GRIN2B: variants seen among roughly 807,000 people sequenced by gnomAD.
GRIN2B encodes glutamate ionotropic receptor NMDA type subunit 2B.
A neutral mutation model predicts 114.5 loss-of-function variants in GRIN2B; 5 were observed. The observed-to-expected ratio is 0.04, with a 90% CI of 0.02 to 0.09. The LOEUF (loss-of-function observed/expected upper bound fraction) is 0.09. Among genes scored for constraint, GRIN2B ranks in the 10% least tolerant of loss-of-function variants. GRIN2B has a pLI of 1.00. For missense variants in GRIN2B, 1,108 were observed against 1,943.5 expected, an observed-to-expected ratio of 0.57 and a Z score of 8.08; for synonymous variants, 787 against 745.1, an observed-to-expected ratio of 1.06 and a Z score of -0.92.
intron 2 of GRIN2B, among the ~76,000 whole-genome samples, chr12:13,913,806 T>C (rs1488395866): frequency 6.6e-6 from 1 of 152,190 alleles, no homozygotes; most frequent in Non-Finnish European, 1.5e-5. Context: ...GGGACCACTT[T>C]CTTGCTGTGT....
chr12:13,553,966 TAATG>T lies in GRIN2B; in HGVS notation c.*8813_*8816del, dbSNP rs869189965. 3 of 152,224 alleles carry T rather than the reference TAATG, an allele frequency of 2.0e-5. No individual in the cohort carries two copies. Among genetic ancestry groups the T allele is most frequent in the African/African-American group, 7.2e-5 (3 of 41,554 alleles). 9.4% of individuals were successfully genotyped at this position (152,224 alleles called of 1,614,324 possible). On this transcript the variant is annotated 3_prime_UTR_variant, in exon 14 of 14. Transcript: ENST00000609686. ...AGAAAAATCCAGATTCCATTTGAAA[TAATG>T]AACTGTATACATGTAGTATATACAT...
intron 3 of GRIN2B, among the ~76,000 whole-genome samples, chr12:13,830,305 C>G (rs1349385457): frequency 6.6e-6 from 1 of 152,184 alleles, no homozygotes; most frequent in Non-Finnish European, 1.5e-5. Flanking sequence ...AGAAAACTAT[C>G]AGTACTGCAA....
chr12:13,849,065 C>A (rs1212164096), intron 3 of GRIN2B, among the ~76,000 whole-genome samples: 1 of 152,112 alleles, frequency 6.6e-6, no homozygotes, highest in African/African-American at 2.4e-5. Flanking sequence ...AAATTAGTCA[C>A]CAATTTGTTC....
In GRIN2B at chr12:13,605,701, T is replaced by C. The variant is rs147897546; in HGVS notation, c.2010+2902A>G. On this transcript the variant is annotated intron_variant, in intron 10 of 13. Coordinates refer to ENST00000609686, the MANE Select transcript of GRIN2B (RefSeq NM_000834.5). ...GCTTTAAGAAGCCTAGAAATGGTAC[T>C]TATTTCAAAATCATGGAAAAGAAAA... Among the ~76,000 whole-genome samples the C allele has an allele frequency of 4.4e-3, 668 of 152,156 alleles. 3 individuals carry two copies. The highest frequency in any genetic ancestry group is 0.015 in the African/African-American group (609 of 41,494).
intron 3 of GRIN2B, among the ~76,000 whole-genome samples, chr12:13,855,179 C>A (rs1256478458): frequency 6.6e-6 from 1 of 151,936 alleles, no homozygotes; most frequent in Admixed American, 6.6e-5. Flanking sequence ...GATCATGCCA[C>A]TGCACTCCAG....
At position 13,615,081 on chromosome 12, in the gene GRIN2B, C is replaced by G; in HGVS notation, c.1654+33G>C. The G allele has an allele frequency of 6.3e-7, 1 of 1,584,780 alleles. No individual in the cohort carries two copies. Among genetic ancestry groups the G allele is most frequent in the Non-Finnish European group, 8.7e-7 (1 of 1,153,306 alleles). On this transcript the variant is annotated intron_variant, in intron 8 of 13. Coordinates refer to ENST00000609686, the MANE Select transcript of GRIN2B (RefSeq NM_000834.5). This position sits in a 1 kb window ranked among gnomAD's most constrained non-coding sequence, Gnocchi z 5.8. ...TTATTTCACTTCCCCATCCATACGT[C>G]CATTTCCTTCCACCAGCAAACCCAT...
chr12:13,705,739 A>T (rs932322883), intron 4 of GRIN2B, among the ~76,000 whole-genome samples: 12 of 152,308 alleles, frequency 7.9e-5, no homozygotes, highest in Admixed American at 4.6e-4. Flanking sequence ...TTATTTTTAA[A>T]TAATGTAGAG....
At chr12:13,607,214 T>A (rs1474369690) in intron 10 of GRIN2B, among the ~76,000 whole-genome samples, 4 of 94,630 alleles carry the variant, frequency 4.2e-5, no homozygotes, top group Admixed American at 1.6e-4. Context: ...ATATATAAAA[T>A]ATATATAAAA....
chr12:13,915,222 T>G (rs1413366124), intron 2 of GRIN2B, among the ~76,000 whole-genome samples: 2 of 152,148 alleles, frequency 1.3e-5, no homozygotes, highest in Non-Finnish European at 2.9e-5. Flanking sequence ...TTATCTTATC[T>G]TAGAGGTTGA....
chr12:13,893,826 T>A (rs199844095), intron 2 of GRIN2B, among the ~76,000 whole-genome samples: 3 of 151,596 alleles, frequency 2.0e-5, no homozygotes, highest in Middle Eastern at 3.4e-3. Flanking sequence ...TGACTTTTTT[T>A]AAAAAAAAGA....
In GRIN2B at chr12:13,558,368, A is replaced by G. The variant is rs186825074; in HGVS notation, c.*4415T>C. The stretch of plus-strand genomic sequence containing the variant: ...ACAGGGCCTTTTTAGAGAGATGATG[A>G]TTGAAAGAATAAAGTGAGTTCTGGA... On this transcript the variant is annotated 3_prime_UTR_variant, in exon 14 of 14. Transcript: ENST00000609686. The G allele has an allele frequency of 6.6e-5, 10 of 152,104 alleles. No homozygotes were observed. The highest frequency in any genetic ancestry group is 1.0e-4 in the Non-Finnish European group (7 of 67,996). The allele number at this position is 152,104 out of a possible 1,614,324, so 9.4% of individuals were successfully genotyped here.
chr12:13,597,995 C>T (rs2136450881), intron 10 of GRIN2B, among the ~76,000 whole-genome samples: 1 of 152,322 alleles, frequency 6.6e-6, no homozygotes, highest in African/African-American at 2.4e-5. Context: ...ACAGATCCTG[C>T]ATTCATTCTA....
chr12:13,824,644 G>A (rs1204625856), intron 3 of GRIN2B, among the ~76,000 whole-genome samples: 1 of 151,982 alleles, frequency 6.6e-6, no homozygotes, highest in Non-Finnish European at 1.5e-5. Context: ...CACAAGGTCA[G>A]GAGTTTGAGA....
At chr12:13,675,072 C>T (rs1950059736) in intron 5 of GRIN2B, among the ~76,000 whole-genome samples, 1 of 152,138 alleles carries the variant, frequency 6.6e-6, no homozygotes, top group South Asian at 2.1e-4. Context: ...TAATTGAGTG[C>T]TTACTATGAA....
chr12:13,605,554 C>CTCTCTCTCTCTG (rs1404110204), intron 10 of GRIN2B, among the ~76,000 whole-genome samples: 7 of 147,334 alleles, frequency 4.8e-5, no homozygotes, highest in African/African-American at 7.6e-5. Flanking sequence ...CTCTCTCTGA[C>CTCTCTCTCTCTG]ACACACACAC....
At chr12:13,764,848 C>T (rs1183222612) in intron 3 of GRIN2B, among the ~76,000 whole-genome samples, 1 of 152,226 alleles carries the variant, frequency 6.6e-6, no homozygotes, top group Non-Finnish European at 1.5e-5. Context: ...GGGGCTTATT[C>T]TTGCCCCCAT....
intron 3 of GRIN2B, among the ~76,000 whole-genome samples, chr12:13,864,759 C>T (rs1004737517): frequency 6.6e-6 from 1 of 152,172 alleles, no homozygotes; most frequent in African/African-American, 2.4e-5. Context: ...CTAACATTAA[C>T]GCAGGAGAGG....
At chr12:13,886,216 G>T (rs1295280030) in intron 2 of GRIN2B, among the ~76,000 whole-genome samples, 1 of 152,210 alleles carries the variant, frequency 6.6e-6, no homozygotes, top group East Asian at 1.9e-4. Flanking sequence ...ATATTTACCG[G>T]TGTATGTACT....
chr12:13,605,965 A>G (rs1041485851), intron 10 of GRIN2B, among the ~76,000 whole-genome samples: 4 of 152,062 alleles, frequency 2.6e-5, no homozygotes, highest in Admixed American at 2.6e-4. Flanking sequence ...CAGTGCTATA[A>G]CCATGCATAG....
Sources: allele counts gnomAD v4.1 joint callset (sites outside exome capture counted in the v4.1 genomes callset), GRCh38; gene constraint gnomAD v4.1.1; non-coding constraint Gnocchi (gnomAD v3.1); transcripts MANE v1.5; gene names NCBI Gene and HGNC (gene_info 2026-07-23, HGNC 2026-07-21).